The following SH3PXD2A variants were observed in gnomAD, a reference collection of about 807,000 sequenced individuals.
SH3PXD2A encodes SH3 and PX domains 2A.
SH3PXD2A carries 32 observed loss-of-function variants against 115.2 expected under a neutral mutation model. The observed-to-expected ratio is 0.28, with a 90% CI of 0.21 to 0.37. The LOEUF is 0.37. Ranked by LOEUF, SH3PXD2A falls within the 10% of genes least tolerant of loss-of-function variation. SH3PXD2A has a pLI of 1.00. For synonymous variants in SH3PXD2A, 610 were observed against 629.1 expected, an observed-to-expected ratio of 0.97 and a Z score of 0.45; for missense variants, 1,328 against 1,498.7, an observed-to-expected ratio of 0.89 and a Z score of 1.88.
intron 5 of SH3PXD2A, among the ~76,000 whole-genome samples, chr10:103,705,354 G>C (rs1198559670): frequency 1.3e-5 from 2 of 152,236 alleles, no homozygotes; most frequent in Admixed American, 1.3e-4. Context: ...TCCCCACCGT[G>C]AGTGAGCTCT....
chr10:103,624,676 T>C (rs544840709), intron 9 of SH3PXD2A, among the ~76,000 whole-genome samples: 28 of 152,362 alleles, frequency 1.8e-4, no homozygotes. Flanking sequence ...TTTGATAGGA[T>C]GCAGGCTTCC....
In SH3PXD2A at chr10:103,603,113, G is replaced by A; in HGVS notation, c.2105C>T (p.Ser702Phe). The A allele has an allele frequency of 1.2e-6, 2 of 1,613,202 alleles. No homozygotes were observed. Among genetic ancestry groups the A allele is most frequent in the Non-Finnish European group, 1.7e-6 (2 of 1,180,006 alleles). Residue 702 changes from serine (S) to phenylalanine (F), a missense_variant, in exon 15 of 15, where the codon TCC becomes TTC. Coordinates refer to ENST00000369774, the MANE Select transcript of SH3PXD2A (RefSeq NM_001394015.1). ...SSITINTTCC[S>F]SSSSSSSSLS... ...GGAAGAGGAGGAGGAGGAAGAGGAG[G>A]AGCAGCAAGTGGTGTTGATGGTGAT... is the stretch of plus-strand genomic sequence containing the variant.
rs546955470 is a variant in SH3PXD2A at position 103,794,469 on chromosome 10, C to T, written c.153+6813G>A. Among the ~76,000 whole-genome samples the T allele has an allele frequency of 2.6e-5, 4 of 152,296 alleles. No homozygotes were observed. In the East Asian group the frequency reaches 5.8e-4, roughly 22 times the overall value. ...TTTGTAGGTCAGGTTGTGAAACAAC[C>T]GTCCATGGAGCCAGGGCTTCAGAGA... On this transcript the variant is annotated intron_variant, in intron 2 of 14. Transcript: ENST00000369774.
chr10:103,722,561 C>G (rs1253279564), intron 5 of SH3PXD2A, among the ~76,000 whole-genome samples: 1 of 150,572 alleles, frequency 6.6e-6, no homozygotes, highest in African/African-American at 2.4e-5. Flanking sequence ...CTTGGCTTCT[C>G]AAAGTGCTGG....
chr10:103,718,008 CT>C (rs34054940), intron 5 of SH3PXD2A, among the ~76,000 whole-genome samples: 56 of 143,480 alleles, frequency 3.9e-4, no homozygotes, highest in Admixed American at 3.4e-4. Flanking sequence ...TTCCATGTGT[CT>C]TTTTTTTTTT....
chr10:103,758,934 T>TG (rs1249293367), intron 3 of SH3PXD2A, among the ~76,000 whole-genome samples: 1 of 152,198 alleles, frequency 6.6e-6, no homozygotes. Context: ...CTCTCTTCCT[T>TG]GGGGGTTGCA....
chr10:103,668,539 G>T lies in SH3PXD2A; in HGVS notation c.472+69C>A. On this transcript the variant is annotated intron_variant, in intron 7 of 14. Transcript: ENST00000369774. ...AGGGAAGCATGCGCAGGGCCTGCAG[G>T]CACCGGCTCCCGCGCACACGGACCT... 1 of 1,342,078 alleles carries T rather than the reference G, an allele frequency of 7.5e-7. No individual in the cohort carries two copies. Among genetic ancestry groups the T allele is most frequent in the Non-Finnish European group, 1.0e-6 (1 of 957,466 alleles). 83.1% of individuals were successfully genotyped at this position (1,342,078 alleles called of 1,614,324 possible). A position where few individuals can be genotyped will look rare whatever the true frequency, so the allele number is the denominator to read the frequency against.
intron 3 of SH3PXD2A, among the ~76,000 whole-genome samples, chr10:103,760,541 G>A (rs966122216): frequency 6.6e-6 from 1 of 151,856 alleles, no homozygotes; most frequent in Non-Finnish European, 1.5e-5. Context: ...CTGTACTCCA[G>A]CCTGGGCAAC....
intron 2 of SH3PXD2A, among the ~76,000 whole-genome samples, chr10:103,790,292 A>C (rs570202990): frequency 1.9e-4 from 29 of 151,906 alleles, no homozygotes; most frequent in African/African-American, 5.8e-4. Flanking sequence ...GTAGCTGGGA[A>C]TACAGGCGCC....
intron 6 of SH3PXD2A, among the ~76,000 whole-genome samples, chr10:103,671,962 C>A (rs183129342): frequency 1.0e-3 from 153 of 152,346 alleles, no homozygotes; most frequent in African/African-American, 3.6e-3. Flanking sequence ...TTGCTGAGAA[C>A]ACACTGTGTG....
chr10:103,846,201 C>G (rs991980883), intron 1 of SH3PXD2A, among the ~76,000 whole-genome samples: 2 of 152,270 alleles, frequency 1.3e-5, no homozygotes, highest in African/African-American at 4.8e-5. Flanking sequence ...AATGACAGCA[C>G]AGGGACAGAG....
intron 13 of SH3PXD2A, among the ~76,000 whole-genome samples, chr10:103,606,496 CCCACGGTCTCCCTCTCCCTCTCTTT>C (rs1344140844): frequency 6.7e-6 from 1 of 148,592 alleles, no homozygotes; most frequent in African/African-American, 2.5e-5. Context: ...TCTCCCTCTC[CCCACGGTCTCCCTCTCCCTCTCTTT>C]CCACGGTCTC....
chr10:103,644,867 A>T (rs752021076), intron 8 of SH3PXD2A, among the ~76,000 whole-genome samples: 4 of 152,244 alleles, frequency 2.6e-5, no homozygotes, highest in Non-Finnish European at 5.9e-5. Context: ...GAATGGCCAC[A>T]TGCTGGCCAC....
chr10:103,697,979 G>A (rs1053209397), intron 5 of SH3PXD2A, among the ~76,000 whole-genome samples: 1 of 152,174 alleles, frequency 6.6e-6, no homozygotes, highest in African/African-American at 2.4e-5. Flanking sequence ...TGAGGAGATT[G>A]AGGTCTGAGG....
chr10:103,747,625 G>A (rs769390013), intron 3 of SH3PXD2A, among the ~76,000 whole-genome samples: 8 of 152,108 alleles, frequency 5.3e-5, no homozygotes, highest in East Asian at 1.9e-4. Flanking sequence ...GTCCTGGGTC[G>A]CAGTGATGAT....
intron 3 of SH3PXD2A, among the ~76,000 whole-genome samples, chr10:103,763,509 T>C (rs2038722303): frequency 6.6e-6 from 1 of 152,208 alleles, no homozygotes; most frequent in Non-Finnish European, 1.5e-5. Flanking sequence ...TGAAAGACTG[T>C]TAAGTTCTCT....
At chr10:103,641,405 T>G (rs2036953432) in intron 8 of SH3PXD2A, among the ~76,000 whole-genome samples, 1 of 152,216 alleles carries the variant, frequency 6.6e-6, no homozygotes, top group Non-Finnish European at 1.5e-5. Flanking sequence ...CGTGAAATCT[T>G]AGGCTGCCTT....
intron 2 of SH3PXD2A, among the ~76,000 whole-genome samples, chr10:103,781,109 G>A (rs1045328236): frequency 2.6e-5 from 4 of 152,182 alleles, no homozygotes; most frequent in Non-Finnish European, 5.9e-5. Flanking sequence ...TTAATGATTT[G>A]CTTGTGAAAC....
At chr10:103,713,034 G>A (rs991488381) in intron 5 of SH3PXD2A, among the ~76,000 whole-genome samples, 9 of 152,188 alleles carry the variant, frequency 5.9e-5, no homozygotes, top group Non-Finnish European at 5.9e-5. Flanking sequence ...GGTCCAGCAC[G>A]GCTTTAGTAC....
Sources: allele counts gnomAD v4.1 joint callset (sites outside exome capture counted in the v4.1 genomes callset), GRCh38; gene constraint gnomAD v4.1.1; transcripts MANE v1.5; gene names NCBI Gene and HGNC (gene_info 2026-07-23, HGNC 2026-07-21).